Variants in DHX57 observed in about 807,000 individuals in gnomAD.
The protein encoded by DHX57 is putative ATP-dependent RNA helicase DHX57.
A neutral mutation model predicts 156.2 loss-of-function variants in DHX57; 105 were observed. That is an observed-to-expected ratio of 0.67 (90% CI 0.57 to 0.79). The LOEUF is 0.79. DHX57 is among the 30% of genes least tolerant of loss of function. DHX57 has a pLI of 0.00. For missense variants in DHX57, 1,847 were observed against 1,661.9 expected (o/e 1.11, Z -1.94); for synonymous variants, 704 against 595.6 (o/e 1.18, Z -2.65).
At position 38,827,986 on chromosome 2, in the gene DHX57, A is replaced by G. The variant is rs563173511; in HGVS notation, c.2639+354T>C. Among the ~76,000 whole-genome samples the G allele has an allele frequency of 3.1e-4, 47 of 152,188 alleles. 1 individual carries two copies. Among genetic ancestry groups the G allele is most frequent in the Admixed American group, 4.6e-4 (7 of 15,270 alleles). ...ATTCTCCTGCCTCAGCCTCTTGAGT[A>G]GCTGGGTTTATAGGTGCCGGCCACC... On this transcript the variant is annotated intron_variant, in intron 14 of 23. Transcript: ENST00000457308.
chr2:38,802,978 C>T, intron 22 of DHX57, 63 bp from the exon 23 acceptor site: 1 of 1,582,350 alleles, frequency 6.3e-7, no homozygotes, highest in Non-Finnish European at 8.7e-7. Context: ...GAACAACCCC[C>T]CAGTCCCACG....
intron 13 of DHX57, among the ~76,000 whole-genome samples, chr2:38,829,508 G>A (rs1289916616): frequency 6.6e-6 from 1 of 151,904 alleles, no homozygotes; most frequent in Non-Finnish European, 1.5e-5. Flanking sequence ...CTGACCTCGT[G>A]ATCTGCCCGC....
intron 10 of DHX57, 56 bp from the exon 11 acceptor site, chr2:38,847,129 G>A: frequency 2.9e-6 from 4 of 1,359,812 alleles, no homozygotes; most frequent in Non-Finnish European, 4.2e-6. Context: ...CAACCATCTT[G>A]AAATAGTTTA....
chr2:38,811,432 G>C, intron 21 of DHX57: 2 of 602,180 alleles, frequency 3.3e-6, no homozygotes, highest in Admixed American at 4.0e-5. Context: ...CCTCATACAG[G>C]CCAGATGAAC....
chr2:38,831,592 C>T (rs1298536526), intron 13 of DHX57, among the ~76,000 whole-genome samples: 5 of 152,136 alleles, frequency 3.3e-5, no homozygotes, highest in Non-Finnish European at 5.9e-5. Flanking sequence ...TGGTGGCTCA[C>T]GCCTGTAATC....
At chr2:38,872,787 C>G (rs1295852277) in intron 1 of DHX57, among the ~76,000 whole-genome samples, 2 of 152,074 alleles carry the variant, frequency 1.3e-5, no homozygotes, top group African/African-American at 4.8e-5. Flanking sequence ...TAGTAGGAGA[C>G]TACAGTACCT....
At chr2:38,811,337 T>TA in intron 21 of DHX57, 1 of 525,754 alleles carries the variant, frequency 1.9e-6, no homozygotes, top group Non-Finnish European at 3.8e-6. Context: ...GTGGGACACA[T>TA]ACTTTGCCCC....
chr2:38,850,179 T>A (rs1672507171), intron 9 of DHX57, among the ~76,000 whole-genome samples: 1 of 152,194 alleles, frequency 6.6e-6, no homozygotes, highest in Non-Finnish European at 1.5e-5. Context: ...AAAGTAAACA[T>A]CTATATCCAT....
chr2:38,819,241 C>A lies in DHX57; in HGVS notation c.3292-97G>T. 4 of 1,077,784 alleles carry A rather than the reference C, an allele frequency of 3.7e-6. No individual in the cohort carries two copies. In the South Asian group the frequency reaches 5.5e-5, roughly 15 times the overall value. The allele number at this position is 1,077,784 out of a possible 1,614,324, so 66.8% of individuals were successfully genotyped here. A position where few individuals can be genotyped will look rare whatever the true frequency, so the allele number is the denominator to read the frequency against. On this transcript the variant is annotated intron_variant, in intron 17 of 23. Coordinates refer to ENST00000457308, the MANE Select transcript of DHX57 (RefSeq NM_198963.3). ...CCAGGCTGGAGTGCAGTGGTGCGATCATAGCCCACTGCAACCTTTATCTCC... is the reference window on the plus strand; with the variant it reads ...CCAGGCTGGAGTGCAGTGGTGCGATAATAGCCCACTGCAACCTTTATCTCC...
At chr2:38,807,656 C>CT (rs1184228045) in intron 21 of DHX57, among the ~76,000 whole-genome samples, 4 of 151,144 alleles carry the variant, frequency 2.6e-5, no homozygotes, top group African/African-American at 4.9e-5. Flanking sequence ...TGCGCCCGGC[C>CT]TTTTTTTTGA....
At chr2:38,852,157 A>T (rs892919828) in intron 9 of DHX57, among the ~76,000 whole-genome samples, 1 of 149,270 alleles carries the variant, frequency 6.7e-6, no homozygotes, top group Non-Finnish European at 1.5e-5. Context: ...TTCTTCTAAT[A>T]GTTCTTCTGG....
At chr2:38,853,818 T>C (rs1357308752) in intron 9 of DHX57, 1 of 312,342 alleles carries the variant, frequency 3.2e-6, no homozygotes, top group Non-Finnish European at 6.0e-6. Context: ...GTGTGAAGTA[T>C]ACCTTCTAAC....
intron 20 of DHX57, among the ~76,000 whole-genome samples, chr2:38,814,953 C>T (rs1302178749): frequency 1.3e-5 from 2 of 152,094 alleles, no homozygotes; most frequent in East Asian, 1.9e-4. Flanking sequence ...AGCTCCTGAC[C>T]TTGAGTGATC....
Position 38,842,996 on chromosome 2 carries a change from G to T in DHX57, c.2425+9C>A, listed in dbSNP as rs1230316854. On this transcript the variant is annotated intron_variant, in intron 12 of 23. Coordinates refer to ENST00000457308, the MANE Select transcript of DHX57 (RefSeq NM_198963.3). ...CATAATTATAATATTCCCCCAAGAG[G>T]CATGTTACCTTTATAGCGGGCCAGG... The T allele has an allele frequency of 6.2e-7, 1 of 1,612,672 alleles. No individual in the cohort carries two copies. The highest frequency in any genetic ancestry group is 8.5e-7 in the Non-Finnish European group (1 of 1,178,732).
rs184307371 is a variant in DHX57, at chr2:38,863,788, G to A, written c.225-269C>T. Among the ~76,000 whole-genome samples the A allele has an allele frequency of 5.1e-4, 77 of 152,172 alleles. No individual in the cohort carries two copies. The East Asian group carries it at 7.9e-3, about 16-fold the overall frequency. On this transcript the variant is annotated intron_variant, in intron 2 of 23. Transcript: ENST00000457308. ...GGCACTTTGGGAGGCCGAGGCTGGC[G>A]GATCACCTGAGGTCAGGAGTTTCAG...
chr2:38,870,119 G>A (rs1376202257), intron 1 of DHX57, among the ~76,000 whole-genome samples: 1 of 152,122 alleles, frequency 6.6e-6, no homozygotes, highest in East Asian at 1.9e-4. Flanking sequence ...GCAAGAGAAA[G>A]AACTGATGAA....
intron 1 of DHX57, among the ~76,000 whole-genome samples, chr2:38,874,332 C>T (rs1283341460): frequency 6.6e-6 from 1 of 151,500 alleles, no homozygotes; most frequent in Non-Finnish European, 1.5e-5. Context: ...CTCAAGCAAT[C>T]GTCTCACCTT....
chr2:38,866,026 C>G (rs748581258), intron 2 of DHX57, among the ~76,000 whole-genome samples: 4 of 152,160 alleles, frequency 2.6e-5, no homozygotes, highest in Non-Finnish European at 5.9e-5. Context: ...ACAGCAAAAT[C>G]CGGTCCATGT....
At position 38,856,417 on chromosome 2, in the gene DHX57, G is replaced by A; in HGVS notation, c.1632C>T (p.Leu544=). 1 of 1,613,924 alleles carries A rather than the reference G, an allele frequency of 6.2e-7. No homozygotes were observed. The highest frequency in any genetic ancestry group is 8.5e-7 in the Non-Finnish European group (1 of 1,180,000). The change falls in exon 7 of 24, where the codon CTC becomes CTT. Residue 544 remains leucine (L), a synonymous_variant. Coordinates refer to ENST00000457308, the MANE Select transcript of DHX57 (RefSeq NM_198963.3). ...TGGTTTCTCTTTCTTCCCAAGCAGG[G>A]AGTGATTGCCTCTCTTGCAGAATGG... ...FQSILQERQS[L]PAWEERETIL...
Sources: allele counts gnomAD v4.1 joint callset (sites outside exome capture counted in the v4.1 genomes callset), GRCh38; gene constraint gnomAD v4.1.1; transcripts MANE v1.5; gene names NCBI Gene and HGNC (gene_info 2026-07-23, HGNC 2026-07-21).